Variants in CPNE8 observed in about 807,000 individuals in gnomAD.
CPNE8 encodes the protein copine 8.
In CPNE8, 45 loss-of-function variants were observed where a neutral mutation model predicts 81.5. The observed-to-expected ratio is 0.55, with a 90% CI of 0.44 to 0.71. CPNE8 has a LOEUF of 0.71. Ranked by LOEUF, CPNE8 falls within the 30% of genes least tolerant of loss-of-function variation. The probability of loss-of-function intolerance (pLI) is 0.00; values close to 1 mark genes in which losing one functional copy is unlikely to be tolerated. For missense variants in CPNE8, 594 were observed against 672.1 expected (o/e 0.88, Z 1.28); for synonymous variants, 252 against 226.3 (o/e 1.11, Z -1.02).
chr12:38,688,600 TG>T (rs980561233), intron 15 of CPNE8, among the ~76,000 whole-genome samples: 5 of 148,560 alleles, frequency 3.4e-5, no homozygotes, highest in African/African-American at 1.2e-4. Context: ...GAAAATGTGG[TG>T]TGTGTGTGTG....
intron 3 of CPNE8, among the ~76,000 whole-genome samples, chr12:38,852,494 C>T (rs1943662431): frequency 6.7e-6 from 1 of 149,752 alleles, no homozygotes; most frequent in Non-Finnish European, 1.5e-5. Context: ...CCCAGTTACT[C>T]AGGAGGCTGA....
chr12:38,787,331 A>G (rs1282663333), intron 6 of CPNE8, among the ~76,000 whole-genome samples: 1 of 152,080 alleles, frequency 6.6e-6, no homozygotes, highest in Non-Finnish European at 1.5e-5. Context: ...ACACATGAAA[A>G]TTTAAAATAT....
intron 6 of CPNE8, among the ~76,000 whole-genome samples, chr12:38,785,754 G>T (rs1382135666): frequency 6.6e-6 from 1 of 152,112 alleles, no homozygotes; most frequent in African/African-American, 2.4e-5. Context: ...AAGTTAAAAA[G>T]CAGAGGAACA....
intron 6 of CPNE8, among the ~76,000 whole-genome samples, chr12:38,816,839 A>G (rs1290696353): frequency 6.6e-6 from 1 of 152,166 alleles, no homozygotes; most frequent in East Asian, 1.9e-4. Context: ...CTATCTCCAC[A>G]ATTACTGGGA....
At chr12:38,744,099 G>T (rs1003916353) in intron 10 of CPNE8, among the ~76,000 whole-genome samples, 1 of 152,186 alleles carries the variant, frequency 6.6e-6, no homozygotes, top group African/African-American at 2.4e-5. Flanking sequence ...TTCAAGAAAA[G>T]ATTCTGGACT....
chr12:38,654,994 T>C (rs1159872017), intron 19 of CPNE8, among the ~76,000 whole-genome samples: 6 of 152,218 alleles, frequency 3.9e-5, no homozygotes, highest in African/African-American at 1.4e-4. Flanking sequence ...CATTGAGTTT[T>C]GCATCAGATG....
At chr12:38,876,807 G>A (rs570171927) in intron 1 of CPNE8, among the ~76,000 whole-genome samples, 6 of 152,224 alleles carry the variant, frequency 3.9e-5, no homozygotes, top group South Asian at 2.1e-4. Context: ...ATATATGATC[G>A]CAAAGTTGGA....
chr12:38,894,338 A>C (rs1303468124), intron 1 of CPNE8, among the ~76,000 whole-genome samples: 3 of 152,230 alleles, frequency 2.0e-5, no homozygotes, highest in Non-Finnish European at 4.4e-5. Flanking sequence ...AACTTTTCCC[A>C]AAAAAATTTT....
chr12:38,745,880 A>G (rs1047945450), intron 10 of CPNE8, among the ~76,000 whole-genome samples: 1 of 152,094 alleles, frequency 6.6e-6, no homozygotes, highest in African/African-American at 2.4e-5. Flanking sequence ...GTTTCTAGCA[A>G]TGGTCCTTAA....
chr12:38,827,501 A>C (rs1193410488), intron 6 of CPNE8, among the ~76,000 whole-genome samples: 1 of 152,214 alleles, frequency 6.6e-6, no homozygotes, highest in East Asian at 1.9e-4. Context: ...AAATTGTTCT[A>C]CCATAAAGAC....
intron 13 of CPNE8, among the ~76,000 whole-genome samples, chr12:38,711,436 A>T (rs1940253871): frequency 6.6e-6 from 1 of 151,988 alleles, no homozygotes; most frequent in Admixed American, 6.6e-5. Flanking sequence ...AAAGTATGTA[A>T]CTAGATATCT....
chr12:38,817,491 TG>T (rs1943044395), intron 6 of CPNE8, among the ~76,000 whole-genome samples: 1 of 152,050 alleles, frequency 6.6e-6, no homozygotes, highest in Non-Finnish European at 1.5e-5. Context: ...TAAATCAGAA[TG>T]GGTGTTCCCT....
chr12:38,682,840 T>C (rs889607730), intron 16 of CPNE8, among the ~76,000 whole-genome samples: 1 of 152,108 alleles, frequency 6.6e-6, no homozygotes, highest in African/African-American at 2.4e-5. Context: ...TGAGGTTGGA[T>C]GGGTGAGTGC....
chr12:38,857,670 T>C (rs1038040648), intron 3 of CPNE8, among the ~76,000 whole-genome samples: 2 of 152,240 alleles, frequency 1.3e-5, no homozygotes, highest in East Asian at 1.9e-4. Context: ...CCCAGCACTT[T>C]AAGAGGCCAG....
At chr12:38,796,846 T>C (rs1399024370) in intron 6 of CPNE8, among the ~76,000 whole-genome samples, 1 of 152,124 alleles carries the variant, frequency 6.6e-6, no homozygotes, top group Non-Finnish European at 1.5e-5. Flanking sequence ...CCCACCCTAA[T>C]ACTGCGCTTT....
chr12:38,680,550 A>C (rs1179663311), intron 16 of CPNE8, among the ~76,000 whole-genome samples: 1 of 152,042 alleles, frequency 6.6e-6, no homozygotes, highest in Non-Finnish European at 1.5e-5. Context: ...TAAGGCATCA[A>C]AATATAGTGA....
intron 6 of CPNE8, among the ~76,000 whole-genome samples, chr12:38,797,981 A>G (rs1025027763): frequency 2.0e-5 from 3 of 152,162 alleles, no homozygotes; most frequent in Admixed American, 6.5e-5. Flanking sequence ...AAATGAAGCG[A>G]GAAGGGAAGT....
chr12:38,726,352 C>T (rs1312014794), intron 11 of CPNE8: 2 of 151,710 alleles, frequency 1.3e-5, no homozygotes, highest in East Asian at 3.9e-4. Flanking sequence ...AATTGGTCAT[C>T]CATTCATTCA....
chr12:38,792,489 C>A (rs371820192), intron 6 of CPNE8, among the ~76,000 whole-genome samples: 50 of 151,458 alleles, frequency 3.3e-4, no homozygotes, highest in African/African-American at 1.2e-3. Context: ...AAGTAATTGA[C>A]ACATTCTTGG....
Sources: gnomAD v4.1 joint callset for allele counts (sites outside exome capture counted in the v4.1 genomes callset) on GRCh38, gnomAD v4.1.1 for gene constraint, MANE v1.5 for transcripts, NCBI Gene and HGNC (gene_info 2026-07-23, HGNC 2026-07-21) for gene names.